The following POU2F3 variants were observed in gnomAD, a reference collection of about 807,000 sequenced individuals.
The protein encoded by POU2F3 is POU domain, class 2, transcription factor 3.
Under a neutral mutation model 59.2 loss-of-function variants are expected in POU2F3, and 23 were observed. That is an observed-to-expected ratio of 0.39 (90% confidence interval 0.28 to 0.55). POU2F3 has a LOEUF of 0.55. Among genes scored for constraint, POU2F3 ranks in the 20% least tolerant of loss-of-function variants. POU2F3 has a pLI of 0.66. For missense variants in POU2F3, 473 were observed against 544.5 expected (o/e 0.87, Z 1.31); for synonymous variants, 190 against 214.6 (o/e 0.89, Z 1.00).
intron 10 of POU2F3, among the ~76,000 whole-genome samples, chr11:120,311,678 T>C (rs1941651400): frequency 6.6e-6 from 1 of 152,168 alleles, no homozygotes; most frequent in South Asian, 2.1e-4. Context: ...GGGAATGTCC[T>C]TGGGCACTTG....
intron 3 of POU2F3, among the ~76,000 whole-genome samples, chr11:120,271,692 C>T (rs1318305026): frequency 6.6e-6 from 1 of 152,168 alleles, no homozygotes; most frequent in Non-Finnish European, 1.5e-5. Flanking sequence ...GAGGGCAGCC[C>T]CTCTGACCCT....
intron 11 of POU2F3, among the ~76,000 whole-genome samples, chr11:120,315,846 T>G (rs534546228): frequency 2.0e-5 from 3 of 149,338 alleles, no homozygotes; most frequent in African/African-American, 7.4e-5. Context: ...GACATAATTA[T>G]CAATAGCACT....
intron 3 of POU2F3, among the ~76,000 whole-genome samples, chr11:120,286,476 G>T (rs2135248483): frequency 6.6e-6 from 1 of 152,290 alleles, no homozygotes; most frequent in East Asian, 1.9e-4. Flanking sequence ...TATTGAGCAG[G>T]TACTATGCCT....
chr11:120,240,208 G>A lies in POU2F3; in HGVS notation c.-136G>A, dbSNP rs1938600340. On this transcript the variant is annotated 5_prime_UTR_variant, in exon 1 of 13. Coordinates refer to ENST00000543440, the MANE Select transcript of POU2F3 (RefSeq NM_014352.4). ...CAGCGGAGCGCGCGACAGTGGCGGC[G>A]ACGGCTCCGGCAGCGGCTCCCGCGG... 12 of 1,240,624 alleles carry A rather than the reference G, an allele frequency of 9.7e-6. No homozygotes were observed. The highest frequency in any genetic ancestry group is 1.0e-6 in the Non-Finnish European group (1 of 985,658). 76.9% of individuals were successfully genotyped at this position (1,240,624 alleles called of 1,614,324 possible). A position where few individuals can be genotyped will look rare whatever the true frequency, so the allele number is the denominator to read the frequency against.
At chr11:120,248,678 G>A (rs376055482) in intron 2 of POU2F3, among the ~76,000 whole-genome samples, 1 of 152,150 alleles carries the variant, frequency 6.6e-6, no homozygotes, top group Admixed American at 6.5e-5. Flanking sequence ...TTTCACTTCA[G>A]GGCTCCCGGC....
chr11:120,246,152 A>G (rs987176210), intron 1 of POU2F3, among the ~76,000 whole-genome samples: 4 of 152,144 alleles, frequency 2.6e-5, no homozygotes, highest in South Asian at 4.1e-4. Context: ...ATTTTTACCA[A>G]CTGAGTCCTG....
chr11:120,307,762 G>A lies in POU2F3; in HGVS notation c.906+147G>A, dbSNP rs943788032. The A allele has an allele frequency of 1.7e-5, 19 of 1,106,454 alleles. No individual in the cohort carries two copies. The Admixed American group carries it at 1.9e-4, about 11-fold the overall frequency. 68.5% of individuals were successfully genotyped at this position (1,106,454 alleles called of 1,614,324 possible). A position where few individuals can be genotyped will look rare whatever the true frequency, so the allele number is the denominator to read the frequency against. Reference sequence around the variant, plus strand: ...GAAAACACATTATCCCACTCCAGGCGCCCAGGTATTGGAGTGCAAAGCTGC... The same window carrying A: ...GAAAACACATTATCCCACTCCAGGCACCCAGGTATTGGAGTGCAAAGCTGC... On this transcript the variant is annotated intron_variant, in intron 9 of 12. Coordinates refer to ENST00000543440, the MANE Select transcript of POU2F3 (RefSeq NM_014352.4).
At chr11:120,268,246 ATATT>A (rs773810133) in intron 2 of POU2F3, among the ~76,000 whole-genome samples, 39 of 152,190 alleles carry the variant, frequency 2.6e-4, no homozygotes, top group Non-Finnish European at 4.4e-4. Context: ...ATATACAAAA[ATATT>A]AATTATGACG....
At chr11:120,299,798 G>A in intron 5 of POU2F3, 72 bp downstream of exon 5, 2 of 1,341,690 alleles carry the variant, frequency 1.5e-6, no homozygotes, top group South Asian at 2.6e-5. Flanking sequence ...TTTTTGCTGG[G>A]TGAGGGGGCC....
chr11:120,261,349 A>G (rs1209419643), intron 2 of POU2F3: 1 of 152,208 alleles, frequency 6.6e-6, no homozygotes, highest in Non-Finnish European at 1.5e-5. Context: ...ATAAAACCAC[A>G]TCTTCCCAAA....
chr11:120,274,554 C>A (rs1940243575), intron 3 of POU2F3, among the ~76,000 whole-genome samples: 1 of 152,132 alleles, frequency 6.6e-6, no homozygotes, highest in African/African-American at 2.4e-5. Flanking sequence ...GGAACCACAA[C>A]CTATCATCAA....
intron 5 of POU2F3, chr11:120,301,264 G>A (rs1406386063): frequency 1.9e-5 from 6 of 320,578 alleles, no homozygotes; most frequent in Non-Finnish European, 3.1e-5. Context: ...TCTGCCTCAT[G>A]AGATTATTGA....
intron 3 of POU2F3, among the ~76,000 whole-genome samples, chr11:120,289,277 A>G (rs963014473): frequency 3.3e-5 from 5 of 152,104 alleles, no homozygotes; most frequent in African/African-American, 1.2e-4. Context: ...GTGGAAATAC[A>G]TTTTATATTC....
intron 6 of POU2F3, 94 bp from the exon 7 acceptor site, chr11:120,304,936 T>C (rs1232419711): frequency 1.1e-6 from 1 of 903,348 alleles, no homozygotes; most frequent in African/African-American, 2.2e-5. Context: ...TAAGTGGGCC[T>C]ATTAGTAAAA....
intron 6 of POU2F3, chr11:120,303,940 G>C (rs1266822216): frequency 6.6e-6 from 1 of 152,204 alleles, no homozygotes; most frequent in African/African-American, 2.4e-5. Context: ...TATCCTTGTG[G>C]AATGATAGAT....
At chr11:120,310,812 G>A (rs1941631336) in intron 10 of POU2F3, among the ~76,000 whole-genome samples, 1 of 152,128 alleles carries the variant, frequency 6.6e-6, no homozygotes, top group South Asian at 2.1e-4. Flanking sequence ...CAAGTGCTGG[G>A]GATACAAAGA....
At chr11:120,317,738 C>G (rs1941826244) in intron 12 of POU2F3, among the ~76,000 whole-genome samples, 1 of 152,196 alleles carries the variant, frequency 6.6e-6, no homozygotes, top group Admixed American at 6.5e-5. Context: ...ACAAAGAAAA[C>G]CCTGGGCTTC....
At chr11:120,297,712 A>AT (rs1941228295) in intron 3 of POU2F3, among the ~76,000 whole-genome samples, 1 of 152,178 alleles carries the variant, frequency 6.6e-6, no homozygotes. Flanking sequence ...TCCTAAATAA[A>AT]TTTTAACCTT....
intron 1 of POU2F3, among the ~76,000 whole-genome samples, chr11:120,243,438 C>T (rs1012328819): frequency 6.6e-6 from 1 of 152,136 alleles, no homozygotes; most frequent in African/African-American, 2.4e-5. Flanking sequence ...CTGGTCAAGC[C>T]AACGCTAACT....
Sources: gnomAD v4.1 joint callset for allele counts (sites outside exome capture counted in the v4.1 genomes callset) on GRCh38, gnomAD v4.1.1 for gene constraint, MANE v1.5 for transcripts, NCBI Gene and HGNC (gene_info 2026-07-23, HGNC 2026-07-21) for gene names.